The following CSMD1 variants were observed in gnomAD, a reference collection of about 807,000 sequenced individuals.
CSMD1 encodes CUB and Sushi multiple domains 1.
Under a neutral mutation model 417.5 loss-of-function variants are expected in CSMD1, and 213 were observed. That is an observed-to-expected ratio of 0.51 (90% CI 0.46 to 0.57). The LOEUF is 0.57. Among genes scored for constraint, CSMD1 ranks in the 20% least tolerant of loss-of-function variants. CSMD1 has a pLI of 0.00. For missense variants in CSMD1, 6,923 were observed against 4,529.7 expected (o/e 1.53, Z -15.17); for synonymous variants, 2,862 against 1,736.8 (o/e 1.65, Z -16.11).
Position 3,346,276 on chromosome 8 carries a change from C to G in CSMD1, c.3474+1716G>C, listed in dbSNP as rs958635639. On this transcript the variant is annotated intron_variant, in intron 22 of 69. Transcript: ENST00000635120. ...AATCACAAATGAACATAATTTCCTT[C>G]CTTCCATTGCAATAATATTTATCCT... is the stretch of plus-strand genomic sequence containing the variant. 3.3e-5 allele frequency among the ~76,000 whole-genome samples: 5 copies of G among 152,268 alleles called. No individual in the cohort carries two copies. The East Asian group carries it at 5.8e-4, about 18-fold the overall frequency.
At chr8:4,459,408 G>C (rs967834967) in intron 2 of CSMD1, among the ~76,000 whole-genome samples, 1 of 152,214 alleles carries the variant, frequency 6.6e-6, no homozygotes, top group Admixed American at 6.5e-5. Flanking sequence ...GAAGCTGAGA[G>C]TGTCTCTGCC....
chr8:4,891,348 G>A (rs1221367242), intron 1 of CSMD1, among the ~76,000 whole-genome samples: 1 of 152,110 alleles, frequency 6.6e-6, no homozygotes, highest in Non-Finnish European at 1.5e-5. Context: ...GTTTATTGAA[G>A]TGAATTAGAG....
At chr8:4,156,681 C>G (rs1197617226) in intron 3 of CSMD1, among the ~76,000 whole-genome samples, 2 of 152,140 alleles carry the variant, frequency 1.3e-5, no homozygotes, top group African/African-American at 4.8e-5. Flanking sequence ...AGATAATTTT[C>G]TGTACTGTCA....
intron 5 of CSMD1, among the ~76,000 whole-genome samples, chr8:3,879,432 C>T (rs372916310): frequency 1.1e-4 from 16 of 152,036 alleles, no homozygotes; most frequent in African/African-American, 1.7e-4. Flanking sequence ...TGAATCAGTC[C>T]GGTCATTGAG....
intron 3 of CSMD1, among the ~76,000 whole-genome samples, chr8:4,210,117 C>T (rs1261142177): frequency 6.6e-6 from 1 of 152,214 alleles, no homozygotes; most frequent in Non-Finnish European, 1.5e-5. Flanking sequence ...GATCATTTTC[C>T]TCCTTCCTGG....
chr8:3,956,841 G>T (rs192129045), intron 5 of CSMD1, among the ~76,000 whole-genome samples: 3 of 152,222 alleles, frequency 2.0e-5, no homozygotes, highest in Admixed American at 6.5e-5. Context: ...GAATGTTGGT[G>T]GCTCTTCCTG....
chr8:4,053,446 G>A (rs1798537015), intron 3 of CSMD1, among the ~76,000 whole-genome samples: 1 of 151,854 alleles, frequency 6.6e-6, no homozygotes, highest in South Asian at 2.1e-4. Flanking sequence ...TGGTCTCGGT[G>A]GGGAACCCTA....
intron 21 of CSMD1, among the ~76,000 whole-genome samples, chr8:3,353,985 T>C (rs1333906393): frequency 6.6e-6 from 1 of 152,222 alleles, no homozygotes; most frequent in African/African-American, 2.4e-5. Flanking sequence ...TGTAACAAAG[T>C]ACCACAGACA....
At chr8:3,571,401 G>T (rs1799936708) in intron 10 of CSMD1, among the ~76,000 whole-genome samples, 2 of 152,170 alleles carry the variant, frequency 1.3e-5, no homozygotes, top group Admixed American at 1.3e-4. Context: ...AAGGTACGGA[G>T]AACATATATT....
intron 3 of CSMD1, among the ~76,000 whole-genome samples, chr8:4,136,334 G>A (rs1714800): frequency 1.3e-5 from 2 of 151,936 alleles, no homozygotes; most frequent in East Asian, 3.9e-4. Context: ...TGATCTGTTA[G>A]TGATAATAAA....
intron 1 of CSMD1, among the ~76,000 whole-genome samples, chr8:4,728,579 T>A (rs1478840971): frequency 1.3e-5 from 2 of 152,190 alleles, no homozygotes; most frequent in South Asian, 4.1e-4. Context: ...TCAGCTCTGT[T>A]ACTGATACCA....
intron 6 of CSMD1, among the ~76,000 whole-genome samples, chr8:3,733,231 A>G (rs1356741107): frequency 6.8e-6 from 1 of 147,682 alleles, no homozygotes; most frequent in East Asian, 2.0e-4. Context: ...ACATACACAT[A>G]CATATATTAC....
intron 1 of CSMD1, among the ~76,000 whole-genome samples, chr8:4,925,686 A>C (rs1424493116): frequency 2.0e-5 from 3 of 152,066 alleles, no homozygotes; most frequent in Non-Finnish European, 4.4e-5. Context: ...AGCTGGGACT[A>C]CAGGCGCCCG....
At chr8:4,213,225 A>G (rs796378176) in intron 3 of CSMD1, among the ~76,000 whole-genome samples, 4 of 152,308 alleles carry the variant, frequency 2.6e-5, no homozygotes, top group African/African-American at 7.2e-5. Context: ...CTTGTTGTCT[A>G]TGAACCAGCT....
chr8:3,377,426 T>G (rs1020046381), intron 18 of CSMD1, among the ~76,000 whole-genome samples: 3 of 152,214 alleles, frequency 2.0e-5, no homozygotes, highest in African/African-American at 7.2e-5. Context: ...TTACATACAT[T>G]TATATCGACA....
intron 3 of CSMD1, among the ~76,000 whole-genome samples, chr8:4,032,713 G>C (rs763591872): frequency 7.9e-5 from 12 of 152,168 alleles, no homozygotes; most frequent in Admixed American, 2.0e-4. Flanking sequence ...TCCATTTATA[G>C]TGTCTGATTC....
intron 5 of CSMD1, among the ~76,000 whole-genome samples, chr8:3,922,899 C>G (rs1011516029): frequency 6.6e-6 from 1 of 152,174 alleles, no homozygotes; most frequent in African/African-American, 2.4e-5. Context: ...TTCAACTCAA[C>G]TGAACATGAA....
rs142323584 is a variant in CSMD1 at position 3,694,354 on chromosome 8, C to A, written c.1009+14060G>T. 3.4e-3 allele frequency among the ~76,000 whole-genome samples: 518 copies of A among 152,218 alleles called. 2 individuals are homozygous for A. Among genetic ancestry groups the A allele is most frequent in the Non-Finnish European group, 5.8e-3 (397 of 68,016 alleles). On this transcript the variant is annotated intron_variant, in intron 7 of 69. Coordinates refer to ENST00000635120, the MANE Select transcript of CSMD1 (RefSeq NM_033225.6). ...AGCAGACAGACAGGGGTCACTCAGG[C>A]TGAGGATTTTCCCAAACTGACACCC...
chr8:3,750,563 T>G (rs976225465), intron 6 of CSMD1, among the ~76,000 whole-genome samples: 4 of 152,192 alleles, frequency 2.6e-5, no homozygotes, highest in Non-Finnish European at 5.9e-5. Context: ...TTCTTTAATG[T>G]ATTTAGTTCA....
Sources: allele counts gnomAD v4.1 joint callset (sites outside exome capture counted in the v4.1 genomes callset), GRCh38; gene constraint gnomAD v4.1.1; transcripts MANE v1.5; gene names NCBI Gene and HGNC (gene_info 2026-07-23, HGNC 2026-07-21).